Variants in MGAT4C observed in about 807,000 individuals in gnomAD.
MGAT4C encodes the protein alpha-1,3-mannosyl-glycoprotein 4-beta-N-acetylglucosaminyltransferase C.
MGAT4C carries 19 observed loss-of-function variants against 40.1 expected under a neutral mutation model. That is an observed-to-expected ratio of 0.47 (90% confidence interval 0.33 to 0.70). The LOEUF (loss-of-function observed/expected upper bound fraction) is 0.70. Among genes scored for constraint, MGAT4C ranks in the 30% least tolerant of loss-of-function variants. MGAT4C has a pLI of 0.02. For missense variants in MGAT4C, 491 were observed against 563.2 expected, an observed-to-expected ratio of 0.87 and a Z score of 1.30; for synonymous variants, 181 against 187.1, an observed-to-expected ratio of 0.97 and a Z score of 0.27.
At chr12:86,201,741 A>T (rs2135934728) in intron 1 of MGAT4C, among the ~76,000 whole-genome samples, 1 of 151,950 alleles carries the variant, frequency 6.6e-6, no homozygotes, top group South Asian at 2.1e-4. Context: ...CTATAGAATA[A>T]TTGGATAACA....
chr12:86,386,292 A>G (rs777238773), intron 3 of MGAT4C, among the ~76,000 whole-genome samples: 8 of 152,200 alleles, frequency 5.3e-5, no homozygotes, highest in Non-Finnish European at 1.0e-4. Context: ...TACAGTGCCA[A>G]ACAAAACAGA....
intron 2 of MGAT4C, among the ~76,000 whole-genome samples, chr12:86,472,853 T>C (rs1957775352): frequency 6.6e-6 from 1 of 152,048 alleles, no homozygotes; most frequent in South Asian, 2.1e-4. Flanking sequence ...AATGAAATAA[T>C]TGGAAAAAGA....
At chr12:86,104,897 C>A (rs1875864246) in intron 1 of MGAT4C, among the ~76,000 whole-genome samples, 1 of 151,948 alleles carries the variant, frequency 6.6e-6, no homozygotes, top group Non-Finnish European at 1.5e-5. Context: ...TGGGTTGATG[C>A]ATACTTAATA....
chr12:86,510,454 A>C (rs1958554482), intron 2 of MGAT4C, among the ~76,000 whole-genome samples: 1 of 152,182 alleles, frequency 6.6e-6, no homozygotes, highest in Admixed American at 6.5e-5. Context: ...CTAACCAGCT[A>C]ACATCATAAT....
intron 3 of MGAT4C, among the ~76,000 whole-genome samples, chr12:86,425,437 A>G (rs1200268531): frequency 1.3e-5 from 2 of 152,110 alleles, no homozygotes. Context: ...AACATGTAAG[A>G]TGCACCTTGC....
chr12:86,663,609 A>G (rs2136552275), intron 2 of MGAT4C, among the ~76,000 whole-genome samples: 1 of 152,288 alleles, frequency 6.6e-6, no homozygotes, highest in East Asian at 1.9e-4. Context: ...TATGGCTTTT[A>G]GTAAACTATT....
chr12:86,039,342 A>G (rs1199758790), intron 2 of MGAT4C, among the ~76,000 whole-genome samples: 3 of 152,052 alleles, frequency 2.0e-5, no homozygotes, highest in Non-Finnish European at 4.4e-5. Context: ...TCTCCTCATC[A>G]CTTTCAGGTA....
intron 3 of MGAT4C, among the ~76,000 whole-genome samples, chr12:86,427,361 G>C (rs1956948323): frequency 6.6e-6 from 1 of 151,760 alleles, no homozygotes; most frequent in Non-Finnish European, 1.5e-5. Context: ...TTTTAATTAA[G>C]ATAATTATAC....
intron 1 of MGAT4C, among the ~76,000 whole-genome samples, chr12:86,187,458 C>T (rs970366699): frequency 6.6e-6 from 1 of 151,984 alleles, no homozygotes; most frequent in Non-Finnish European, 1.5e-5. Context: ...ACAGGGTCTT[C>T]ATTACCCTTT....
At chr12:86,623,093 A>G (rs925452309) in intron 2 of MGAT4C, among the ~76,000 whole-genome samples, 2 of 152,160 alleles carry the variant, frequency 1.3e-5, no homozygotes, top group African/African-American at 4.8e-5. Flanking sequence ...AGCATTAGTG[A>G]ACTCCATGGA....
intron 2 of MGAT4C, among the ~76,000 whole-genome samples, chr12:86,589,945 A>C (rs924525186): frequency 1.3e-5 from 2 of 151,986 alleles, no homozygotes; most frequent in African/African-American, 2.4e-5. Context: ...TCATTATTCA[A>C]ATTAAAACAA....
chr12:86,777,056 T>C (rs532360675), intron 1 of MGAT4C, among the ~76,000 whole-genome samples: 1 of 152,272 alleles, frequency 6.6e-6, no homozygotes, highest in African/African-American at 2.4e-5. Flanking sequence ...CTTATCTAAT[T>C]TGGCAAGACT....
chr12:85,967,962 T>A lies in MGAT4C; in HGVS notation c.*11327A>T, dbSNP rs1406603137. On this transcript the variant is annotated 3_prime_UTR_variant, in exon 5 of 5. Coordinates refer to ENST00000611864, the MANE Select transcript of MGAT4C (RefSeq NM_001351288.2). ...ATTTGTGGAAATATATTGAGGCCTATATCAATAACCTCAAACCTTTTAAAC... is the reference window on the plus strand; with the variant it reads ...ATTTGTGGAAATATATTGAGGCCTAAATCAATAACCTCAAACCTTTTAAAC... 1 of 152,122 alleles carries A rather than the reference T, an allele frequency of 6.6e-6. No individual in the cohort carries two copies. The highest frequency in any genetic ancestry group is 1.5e-5 in the Non-Finnish European group (1 of 67,972). The allele number at this position is 152,122 out of a possible 1,614,324, so 9.4% of individuals were successfully genotyped here.
intron 1 of MGAT4C, among the ~76,000 whole-genome samples, chr12:86,755,377 T>A (rs774693941): frequency 2.0e-5 from 3 of 152,080 alleles, no homozygotes; most frequent in African/African-American, 4.8e-5. Flanking sequence ...TTACACTGAT[T>A]ATGGTTTTCT....
At chr12:86,751,029 A>G (rs1226641904) in intron 1 of MGAT4C, among the ~76,000 whole-genome samples, 1 of 151,994 alleles carries the variant, frequency 6.6e-6, no homozygotes, top group African/African-American at 2.4e-5. Context: ...CTTGCACATC[A>G]TAAACCAAGG....
At position 86,073,114 on chromosome 12, in the gene MGAT4C, T is replaced by A. The variant is rs184246325; in HGVS notation, c.-56-23391A>T. On this transcript the variant is annotated intron_variant, in intron 1 of 4. Transcript: ENST00000611864. The stretch of plus-strand genomic sequence containing the variant: ...GACAATTGAATCATGGGGGTGGTTT[T>A]CCTCACACTGTTGTTGTGGTAGTGA... Among the ~76,000 whole-genome samples the A allele has an allele frequency of 3.2e-3, 494 of 152,262 alleles. 2 individuals are homozygous for A. Among genetic ancestry groups the A allele is most frequent in the African/African-American group, 0.011 (452 of 41,562 alleles).
intron 2 of MGAT4C, among the ~76,000 whole-genome samples, chr12:86,561,679 G>C (rs907576782): frequency 6.6e-6 from 1 of 152,068 alleles, no homozygotes; most frequent in African/African-American, 2.4e-5. Flanking sequence ...GATTGTAGGT[G>C]GCCTATTGTG....
chr12:86,323,542 T>C (rs977593376), intron 4 of MGAT4C, among the ~76,000 whole-genome samples: 1 of 149,514 alleles, frequency 6.7e-6, no homozygotes, highest in East Asian at 1.9e-4. Flanking sequence ...AATAATACAG[T>C]TAATTTAATT....
chr12:86,557,197 CT>C (rs1959652400), intron 2 of MGAT4C, among the ~76,000 whole-genome samples: 1 of 152,094 alleles, frequency 6.6e-6, no homozygotes, highest in Non-Finnish European at 1.5e-5. Context: ...GTTAGAGTAT[CT>C]TGCTATAAAC....
Sources: gnomAD v4.1 joint callset for allele counts (sites outside exome capture counted in the v4.1 genomes callset) on GRCh38, gnomAD v4.1.1 for gene constraint, MANE v1.5 for transcripts, NCBI Gene and HGNC (gene_info 2026-07-23, HGNC 2026-07-21) for gene names.